COL4A4: variants seen among roughly 807,000 people sequenced by gnomAD.
The protein encoded by COL4A4 is collagen type IV alpha 4 chain.
COL4A4 carries 105 observed loss-of-function variants against 192.9 expected under a neutral mutation model. The ratio of observed to expected loss-of-function variants is 0.54; its 90% confidence interval spans 0.46 to 0.64. The LOEUF is 0.64. Ranked by LOEUF, COL4A4 falls within the 30% of genes least tolerant of loss-of-function variation. The pLI is 0.00. For synonymous variants in COL4A4, 762 were observed against 769.9 expected, an observed-to-expected ratio of 0.99 and a Z score of 0.17; for missense variants, 1,967 against 2,169.3, an observed-to-expected ratio of 0.91 and a Z score of 1.85.
At chr2:227,135,842 C>T (rs150893707) in intron 4 of COL4A4, among the ~76,000 whole-genome samples, 180 of 152,170 alleles carry the variant, frequency 1.2e-3, no homozygotes, top group African/African-American at 4.2e-3. Flanking sequence ...TGGGGTTTCA[C>T]CATGTTGGCC....
chr2:227,057,633 G>A (rs760675006), intron 28 of COL4A4, 33 bp from the exon 29 acceptor site: 1 of 1,609,846 alleles, frequency 6.2e-7, no homozygotes. Context: ...TGACATTCAT[G>A]ACAAAAAACT....
At chr2:227,055,339 C>A (rs1237123822) in intron 30 of COL4A4, among the ~76,000 whole-genome samples, 1 of 134,752 alleles carries the variant, frequency 7.4e-6, no homozygotes, top group African/African-American at 2.7e-5. Context: ...ATAGCGAGAT[C>A]CTGTCTCCTA....
At chr2:227,001,493 T>C (rs1960950062), downstream of COL4A4, among the ~76,000 whole-genome samples, 1 of 152,148 alleles carries the variant, frequency 6.6e-6, no homozygotes, top group African/African-American at 2.4e-5. Context: ...TTAGAACCCG[T>C]AAAACAAGGG....
Position 227,108,595 on chromosome 2 carries a change from G to T in COL4A4, c.721C>A (p.Gln241Lys), listed in dbSNP as rs374740993. 7 of 1,613,792 alleles carry T rather than the reference G, an allele frequency of 4.3e-6. No homozygotes were observed. The African/African-American group carries it at 5.3e-5, about 12-fold the overall frequency. The change falls in exon 12 of 48, where the codon CAA becomes AAA. Residue 241 changes from glutamine (Q) to lysine (K), a missense_variant. Physicochemically the swap from Gln to Lys is moderately conservative, Grantham distance 53. Transcript: ENST00000396625. ...GGAATTCTTACCGGGTCTCCCATTT[G>T]CCCCTTTACTCCCACACCGGGATTT... ...KGNPGVGVKG[Q>K]MGDPGEVGQQ...
At chr2:227,135,237 C>A (rs1027064632) in intron 4 of COL4A4, among the ~76,000 whole-genome samples, 2 of 132,432 alleles carry the variant, frequency 1.5e-5, no homozygotes, top group African/African-American at 5.0e-5. Flanking sequence ...CCGAGGGGAC[C>A]AACCAGCCCC....
chr2:227,152,871 G>C (rs10187310), intron 1 of COL4A4, among the ~76,000 whole-genome samples: 78,700 of 151,974 alleles, frequency 0.52, 21,615 homozygotes, highest in South Asian at 0.67. Flanking sequence ...TTCTGTTCGA[G>C]TCTATCACTA....
chr2:227,042,670 C>T lies in COL4A4; in HGVS notation c.3397+407G>A, dbSNP rs141879849. Among the ~76,000 whole-genome samples the T allele has an allele frequency of 5.7e-3, 865 of 152,262 alleles. 7 individuals carry two copies. The highest frequency in any genetic ancestry group is 0.02 in the African/African-American group (827 of 41,548). On this transcript the variant is annotated intron_variant, in intron 36 of 47. Coordinates refer to ENST00000396625, the MANE Select transcript of COL4A4 (RefSeq NM_000092.5). ...ACACAGTGGCTCATGCCTGTAATCC[C>T]GGCACTTTGGGAGGCTGAGACAGCC...
At chr2:226,989,048 G>T in the COL4A4 span, among the ~76,000 whole-genome samples, 1 of 152,244 alleles carries the variant, frequency 6.6e-6, no homozygotes, top group African/African-American at 2.4e-5. Flanking sequence ...TGATGTAGGG[G>T]CTGAGGAAGA....
intron 26 of COL4A4, among the ~76,000 whole-genome samples, chr2:227,061,476 A>G (rs1390389109): frequency 6.6e-6 from 1 of 152,246 alleles, no homozygotes; most frequent in East Asian, 1.9e-4. Flanking sequence ...AATGAGATGC[A>G]TGTTGCAACC....
rs903402956 is a variant in COL4A4 at position 227,136,251 on chromosome 2, C to T, written c.192+3910G>A. 5.3e-5 allele frequency among the ~76,000 whole-genome samples: 8 copies of T among 152,236 alleles called. No individual in the cohort carries two copies. In the South Asian group the frequency reaches 6.2e-4, roughly 12 times the overall value. On this transcript the variant is annotated intron_variant, in intron 4 of 47. Coordinates refer to ENST00000396625, the MANE Select transcript of COL4A4 (RefSeq NM_000092.5). Reference sequence around the variant, plus strand: ...GTACAGCAAAAGAGAAGCAGGTAAGCAGCTTGCTAGGGGGCTCTGGCAGGG... The same window carrying T: ...GTACAGCAAAAGAGAAGCAGGTAAGTAGCTTGCTAGGGGGCTCTGGCAGGG...
At chr2:227,097,238 A>T (rs532892488) in intron 19 of COL4A4, among the ~76,000 whole-genome samples, 5 of 152,220 alleles carry the variant, frequency 3.3e-5, no homozygotes, top group African/African-American at 1.2e-4. Flanking sequence ...TGTCCACCCA[A>T]CTGTAGAGCA....
intron 42 of COL4A4, among the ~76,000 whole-genome samples, chr2:227,026,464 A>G (rs1966864969): frequency 6.7e-6 from 1 of 150,110 alleles, no homozygotes; most frequent in Non-Finnish European, 1.5e-5. Flanking sequence ...GCACCACTGC[A>G]CTCCAGCCTG....
chr2:227,041,083 A>G (rs528185896), intron 37 of COL4A4, among the ~76,000 whole-genome samples: 1 of 152,244 alleles, frequency 6.6e-6, no homozygotes, highest in East Asian at 1.9e-4. Context: ...GATGATGAAC[A>G]CTAATTATTC....
the COL4A4 span, among the ~76,000 whole-genome samples, chr2:226,974,652 T>G: frequency 6.6e-6 from 1 of 152,144 alleles, no homozygotes; most frequent in East Asian, 1.9e-4. Context: ...TCTGGTTTGG[T>G]TCTAAAATAA....
At chr2:227,035,414 G>A (rs1969421793) in intron 37 of COL4A4, among the ~76,000 whole-genome samples, 2 of 151,870 alleles carry the variant, frequency 1.3e-5, no homozygotes, top group African/African-American at 4.8e-5. Flanking sequence ...CTTATTAGAA[G>A]CTGGCACAGT....
At chr2:226,970,975 G>A in the COL4A4 span, among the ~76,000 whole-genome samples, 7 of 152,286 alleles carry the variant, frequency 4.6e-5, no homozygotes, top group East Asian at 5.8e-4. Flanking sequence ...CACAGATCCC[G>A]TGTATAATAT....
At chr2:227,139,671 CAT>C (rs1420278123) in intron 4 of COL4A4, among the ~76,000 whole-genome samples, 3 of 152,200 alleles carry the variant, frequency 2.0e-5, no homozygotes, top group African/African-American at 7.2e-5. Context: ...ATTTTGAACT[CAT>C]AGAACAGTGC....
intron 15 of COL4A4, among the ~76,000 whole-genome samples, chr2:227,102,527 C>A (rs565742678): frequency 6.6e-6 from 1 of 152,324 alleles, no homozygotes; most frequent in African/African-American, 2.4e-5. Context: ...CCTACTGGCA[C>A]TGAGGTGCCA....
At chr2:226,979,454 C>G in the COL4A4 span, among the ~76,000 whole-genome samples, 18 of 152,306 alleles carry the variant, frequency 1.2e-4, no homozygotes, top group Admixed American at 9.1e-4. Flanking sequence ...GCTCCTCCCC[C>G]CTGCAAATGG....
Sources: gnomAD v4.1 joint callset for allele counts (sites outside exome capture counted in the v4.1 genomes callset) on GRCh38, gnomAD v4.1.1 for gene constraint, MANE v1.5 for transcripts, NCBI Gene and HGNC (gene_info 2026-07-23, HGNC 2026-07-21) for gene names.